The following ELAVL2 variants were observed in gnomAD, a reference collection of about 807,000 sequenced individuals.
The protein encoded by ELAVL2 is ELAV-like protein 2.
Under a neutral mutation model 34.6 loss-of-function variants are expected in ELAVL2, and 4 were observed. The observed-to-expected ratio is 0.12, with a 90% CI of 0.06 to 0.26. ELAVL2 has a LOEUF of 0.26. ELAVL2 is among the 10% of genes least tolerant of loss of function. The pLI is 1.00. For missense variants in ELAVL2, 432 were observed against 442.8 expected (o/e 0.98, Z 0.22); for synonymous variants, 193 against 154.8 (o/e 1.25, Z -1.83).
chr9:23,798,914 C>T (rs773300206), intron 1 of ELAVL2, among the ~76,000 whole-genome samples: 9 of 152,042 alleles, frequency 5.9e-5, no homozygotes, highest in Non-Finnish European at 1.2e-4. Flanking sequence ...TAATTACAAC[C>T]TAATAGGCAT....
At chr9:23,795,547 A>G (rs2060816924) in intron 1 of ELAVL2, among the ~76,000 whole-genome samples, 7 of 152,142 alleles carry the variant, frequency 4.6e-5, no homozygotes, top group Admixed American at 1.3e-4. Context: ...TCCATCTCAA[A>G]AAAATAAAAA....
At chr9:23,702,974 A>AAAAAAAAAAAAAAAAAAAAAC (rs1554663987) in intron 4 of ELAVL2, among the ~76,000 whole-genome samples, 1 of 139,386 alleles carries the variant, frequency 7.2e-6, no homozygotes. Flanking sequence ...AAAAAAAAAA[A>AAAAAAAAAAAAAAAAAAAAAC]AAAAAAACAG....
At chr9:23,804,111 T>C (rs773756560) in intron 1 of ELAVL2, among the ~76,000 whole-genome samples, 2 of 152,100 alleles carry the variant, frequency 1.3e-5, no homozygotes, top group African/African-American at 4.8e-5. Context: ...AATTAAAAAA[T>C]ATATATTTGA....
intron 3 of ELAVL2, among the ~76,000 whole-genome samples, chr9:23,722,402 T>G (rs2043967584): frequency 6.6e-6 from 1 of 152,240 alleles, no homozygotes; most frequent in Non-Finnish European, 1.5e-5. Flanking sequence ...ACTTATCTGC[T>G]AAGTATGACC....
chr9:23,827,336 G>A (rs2065352277), upstream of ELAVL2, among the ~76,000 whole-genome samples: 1 of 152,156 alleles, frequency 6.6e-6, no homozygotes, highest in Admixed American at 6.5e-5. Flanking sequence ...TATTTTAACA[G>A]CATTCAGGAG....
At chr9:23,734,186 TTTAAA>T (rs2134722944) in intron 2 of ELAVL2, among the ~76,000 whole-genome samples, 1 of 152,330 alleles carries the variant, frequency 6.6e-6, no homozygotes, top group African/African-American at 2.4e-5. Context: ...GAGTTAGAAC[TTTAAA>T]TTACTTTACA....
chr9:23,735,872 G>A (rs1036588665), intron 2 of ELAVL2, among the ~76,000 whole-genome samples: 24 of 152,242 alleles, frequency 1.6e-4, no homozygotes, highest in African/African-American at 5.5e-4. Flanking sequence ...TGAGAGCAGG[G>A]TTCAGAGCAA....
intron 5 of ELAVL2, among the ~76,000 whole-genome samples, 164 bp from the exon 6 acceptor site, chr9:23,693,650 G>A (rs537523884): frequency 6.6e-4 from 100 of 152,146 alleles, no homozygotes; most frequent in Non-Finnish European, 8.1e-4. Flanking sequence ...AATGGGCACC[G>A]ACTGCCACAG....
chr9:23,782,133 T>G (rs1412564841), intron 1 of ELAVL2, among the ~76,000 whole-genome samples: 1 of 152,192 alleles, frequency 6.6e-6, no homozygotes, highest in African/African-American at 2.4e-5. Context: ...GAAGTTTCTT[T>G]AACATAAAAA....
intron 1 of ELAVL2, among the ~76,000 whole-genome samples, chr9:23,799,974 G>C (rs907002729): frequency 2.0e-5 from 3 of 152,110 alleles, no homozygotes; most frequent in South Asian, 2.1e-4. Context: ...GGGTGCAGGG[G>C]ACAGACCTAA....
chr9:23,773,082 G>A (rs2057591390), intron 1 of ELAVL2, among the ~76,000 whole-genome samples: 3 of 152,100 alleles, frequency 2.0e-5, no homozygotes, highest in Non-Finnish European at 2.9e-5. Context: ...TGGGGGAGGG[G>A]GAGAATTTAC....
At chr9:23,801,713 A>T (rs1249841992) in intron 1 of ELAVL2, among the ~76,000 whole-genome samples, 1 of 152,244 alleles carries the variant, frequency 6.6e-6, no homozygotes, top group Non-Finnish European at 1.5e-5. Context: ...AAATGCAGAA[A>T]ATGTCTAAAT....
intron 2 of ELAVL2, among the ~76,000 whole-genome samples, chr9:23,756,693 AG>A (rs2135803028): frequency 6.6e-6 from 1 of 152,328 alleles, no homozygotes; most frequent in South Asian, 2.1e-4. Context: ...AATGCTGAAG[AG>A]GGGACAGCAC....
intron 1 of ELAVL2, among the ~76,000 whole-genome samples, chr9:23,767,567 G>A (rs1270288381): frequency 2.6e-5 from 4 of 152,140 alleles, no homozygotes; most frequent in Non-Finnish European, 4.4e-5. Flanking sequence ...GACCACTTGA[G>A]GTCAGAAGTT....
intron 3 of ELAVL2, among the ~76,000 whole-genome samples, chr9:23,709,900 C>T (rs1245539546): frequency 6.6e-6 from 1 of 152,132 alleles, no homozygotes; most frequent in Non-Finnish European, 1.5e-5. Flanking sequence ...GAACACCAAT[C>T]TACTCCAAAG....
At chr9:23,785,690 G>A (rs1422939659) in intron 1 of ELAVL2, among the ~76,000 whole-genome samples, 3 of 152,122 alleles carry the variant, frequency 2.0e-5, no homozygotes, top group Non-Finnish European at 4.4e-5. Flanking sequence ...GACCTATTCT[G>A]TCAATGAGCA....
At chr9:23,724,848 C>T (rs1465717920) in intron 3 of ELAVL2, among the ~76,000 whole-genome samples, 1 of 152,062 alleles carries the variant, frequency 6.6e-6, no homozygotes, top group Middle Eastern at 3.2e-3. Flanking sequence ...TCAATTTTTA[C>T]CCCACTCCTG....
chr9:23,824,922 G>C (rs2065199048), intron 1 of ELAVL2, among the ~76,000 whole-genome samples: 1 of 152,132 alleles, frequency 6.6e-6, no homozygotes, highest in Non-Finnish European at 1.5e-5. Flanking sequence ...GGCTGCAGAG[G>C]GGTTCCCCCT....
At chr9:23,825,055 AT>A (rs994296566) in intron 1 of ELAVL2, among the ~76,000 whole-genome samples, 2 of 152,172 alleles carry the variant, frequency 1.3e-5, no homozygotes, top group African/African-American at 4.8e-5. Context: ...CAAGGATCTT[AT>A]TTACGCTTTT....
Sources: gnomAD v4.1 joint callset for allele counts (sites outside exome capture counted in the v4.1 genomes callset) on GRCh38, gnomAD v4.1.1 for gene constraint, MANE v1.5 for transcripts, NCBI Gene and HGNC (gene_info 2026-07-23, HGNC 2026-07-21) for gene names.